C8B: variants seen among roughly 807,000 people sequenced by gnomAD.
C8B encodes complement C8 beta chain, also known as complement component C8 beta chain.
C8B carries 67 observed loss-of-function variants against 64.6 expected under a neutral mutation model. The observed-to-expected ratio is 1.04, with a 90% CI of 0.85 to 1.27. The LOEUF (loss-of-function observed/expected upper bound fraction) is 1.27, where lower values mean the gene tolerates loss of function less well. C8B is among the 50% of genes most tolerant of loss of function. The pLI, the probability that C8B is intolerant of heterozygous loss-of-function variation, is 0.00. For synonymous variants in C8B, 284 were observed against 257.7 expected, an observed-to-expected ratio of 1.10 and a Z score of -0.98; for missense variants, 790 against 725.2, an observed-to-expected ratio of 1.09 and a Z score of -1.03.
chr1:56,947,821 C>T (rs949396668), intron 6 of C8B, among the ~76,000 whole-genome samples: 3 of 151,992 alleles, frequency 2.0e-5, no homozygotes, highest in African/African-American at 7.2e-5. Context: ...GTCCCAGCTG[C>T]TTGGGAGGCT....
At chr1:56,957,107 C>T (rs981880625) in intron 2 of C8B, among the ~76,000 whole-genome samples, 197 bp from the exon 3 acceptor site, 5 of 152,092 alleles carry the variant, frequency 3.3e-5, no homozygotes, top group African/African-American at 4.8e-5. Flanking sequence ...TTGCTGTTTG[C>T]TGGATGGTTT....
In C8B at chr1:56,965,928, C is replaced by A. The variant is rs187897102; in HGVS notation, c.21G>T (p.Trp7Cys). Residue 7 changes from tryptophan to cysteine, a missense_variant, in exon 1 of 12, where the codon TGG becomes TGT. Physicochemically the swap from Trp to Cys is radical, Grantham distance 215 (BLOSUM62 -2). Coordinates refer to ENST00000371237, the MANE Select transcript of C8B (RefSeq NM_000066.4). ...ATAGCTCCACCGGCGCCCTCCAAGC[C>A]CATGTCCTGGAATTCTTCATTTTCC... MKNSRT[W>C]AWRAPVELFL... is the part of the protein sequence containing the mutation. 3.2e-5 allele frequency: 52 copies of A among 1,613,956 alleles called. No individual in the cohort carries two copies. In the East Asian group the frequency reaches 1.0e-3, roughly 33 times the overall value.
intron 1 of C8B, among the ~76,000 whole-genome samples, chr1:56,965,378 TGA>T (rs113817142): frequency 4.5e-4 from 60 of 132,122 alleles, no homozygotes; most frequent in Middle Eastern, 3.8e-3. Context: ...TTGTGGGGGG[TGA>T]GAGAGAGAGA....
At chr1:56,932,019 A>G (rs779610028) in intron 10 of C8B, 141 bp from the exon 11 acceptor site, 33 of 674,998 alleles carry the variant, frequency 4.9e-5, no homozygotes, top group East Asian at 8.6e-5. Flanking sequence ...AGGCAGGTTC[A>G]GGGCCAGGAA....
At chr1:56,950,719 A>T (rs1190278926) in intron 5 of C8B, among the ~76,000 whole-genome samples, 1 of 152,142 alleles carries the variant, frequency 6.6e-6, no homozygotes, top group Non-Finnish European at 1.5e-5. Context: ...TGACCTCTCC[A>T]TGCCTCAGTT....
intron 8 of C8B, among the ~76,000 whole-genome samples, chr1:56,942,291 A>T (rs1644874424): frequency 6.6e-6 from 1 of 152,170 alleles, no homozygotes; most frequent in Admixed American, 6.5e-5. Flanking sequence ...CACTTACTAA[A>T]CAGTGGCCAC....
chr1:56,945,509 C>T (rs1050224793), intron 7 of C8B, among the ~76,000 whole-genome samples: 10 of 152,216 alleles, frequency 6.6e-5, no homozygotes, highest in Middle Eastern at 3.4e-3. Flanking sequence ...AGAAACATTT[C>T]AACATAAACT....
At chr1:56,954,630 G>A (rs1645075066) in intron 4 of C8B, 56 bp downstream of exon 4, 1 of 1,607,666 alleles carries the variant, frequency 6.2e-7, no homozygotes, top group Non-Finnish European at 8.5e-7. Context: ...CTATCCGCCA[G>A]AATTCCATTT....
At chr1:56,952,796 C>A (rs1233061265) in intron 4 of C8B, among the ~76,000 whole-genome samples, 1 of 152,118 alleles carries the variant, frequency 6.6e-6, no homozygotes, top group Non-Finnish European at 1.5e-5. Context: ...TGCTCATATG[C>A]AAATAGGGAC....
At position 56,943,811 on chromosome 1, in the gene C8B, G is replaced by A. The variant is rs750740068; in HGVS notation, c.1119C>T (p.Asn373=). 9 of 1,613,926 alleles carry A rather than the reference G, an allele frequency of 5.6e-6. No individual in the cohort carries two copies. The East Asian group carries it at 2.0e-4, about 36-fold the overall frequency. Residue 373 remains asparagine (N), a synonymous_variant, in exon 8 of 12, where the codon AAC becomes AAT. Transcript: ENST00000371237. The part of the protein sequence containing the change: ...EAMERGDYTL[N]NVHACAKNDF... ...CATTTTTGGCACAGGCATGGACGTTGTTAAGAGTATAATCTGAAGAAAACA... is the reference window on the plus strand; with the variant it reads ...CATTTTTGGCACAGGCATGGACGTTATTAAGAGTATAATCTGAAGAAAACA...
chr1:56,954,042 A>G (rs1340763964), intron 4 of C8B, among the ~76,000 whole-genome samples: 2 of 152,146 alleles, frequency 1.3e-5, no homozygotes, highest in African/African-American at 4.8e-5. Context: ...GCTGTGTCTC[A>G]TATGATGATT....
At chr1:56,946,399 C>T (rs1299953315) in intron 6 of C8B, among the ~76,000 whole-genome samples, 1 of 152,128 alleles carries the variant, frequency 6.6e-6, no homozygotes, top group African/African-American at 2.4e-5. Flanking sequence ...TGCAAAAGTG[C>T]CCGCTTTGCT....
At chr1:56,961,909 C>T (rs1007854717) in intron 1 of C8B, among the ~76,000 whole-genome samples, 1 of 152,186 alleles carries the variant, frequency 6.6e-6, no homozygotes, top group Non-Finnish European at 1.5e-5. Flanking sequence ...GGATGCTACA[C>T]ACCAGTGGGG....
At chr1:56,965,383 G>GAC (rs1481588188) in intron 1 of C8B, among the ~76,000 whole-genome samples, 1 of 99,366 alleles carries the variant, frequency 1.0e-5, no homozygotes, top group Non-Finnish European at 2.1e-5. Context: ...GGGGGTGAGA[G>GAC]AGAGAGAGAG....
intron 9 of C8B, among the ~76,000 whole-genome samples, chr1:56,936,928 A>G (rs1017081900): frequency 2.6e-5 from 4 of 152,096 alleles, no homozygotes; most frequent in Non-Finnish European, 5.9e-5. Context: ...TTATTTTTGC[A>G]GGTGAGCTTT....
chr1:56,952,503 T>C (rs1645037620), intron 4 of C8B, among the ~76,000 whole-genome samples: 1 of 152,198 alleles, frequency 6.6e-6, no homozygotes, highest in East Asian at 1.9e-4. Context: ...TTGAGCTCTG[T>C]TGCCACTATG....
At chr1:56,963,718 G>T in intron 1 of C8B, 1 of 285,328 alleles carries the variant, frequency 3.5e-6, no homozygotes, top group East Asian at 1.8e-4. Flanking sequence ...ATAGCCTTGG[G>T]ACACTTATGT....
intron 7 of C8B, 108 bp from the exon 8 acceptor site, chr1:56,943,932 G>A (rs41286850): frequency 0.011 from 14,831 of 1,306,946 alleles, 104 homozygotes; most frequent in African/African-American, 0.033. Context: ...ACAAGGACTC[G>A]GGTTCAAATA....
chr1:56,940,761 T>G, intron 9 of C8B, 88 bp downstream of exon 9: 1 of 1,473,638 alleles, frequency 6.8e-7, no homozygotes, highest in Non-Finnish European at 9.5e-7. Flanking sequence ...GTCTTAGTGA[T>G]CTCTGCATTT....
Sources: gnomAD v4.1 joint callset for allele counts (sites outside exome capture counted in the v4.1 genomes callset) on GRCh38, gnomAD v4.1.1 for gene constraint, MANE v1.5 for transcripts, NCBI Gene and HGNC (gene_info 2026-07-23, HGNC 2026-07-21) for gene names.